ZMYM4: variants seen among roughly 807,000 people sequenced by gnomAD.
ZMYM4 encodes the protein zinc finger MYM-type protein 4.
Under a neutral mutation model 183.2 loss-of-function variants are expected in ZMYM4, and 31 were observed. The observed-to-expected ratio is 0.17, with a 90% CI of 0.13 to 0.23. The LOEUF is 0.23. Ranked by LOEUF, ZMYM4 falls within the 10% of genes least tolerant of loss-of-function variation. ZMYM4 has a pLI of 1.00. For missense variants in ZMYM4, 1,273 were observed against 1,840.3 expected (o/e 0.69, Z 5.64); for synonymous variants, 592 against 631.2 (o/e 0.94, Z 0.93).
chr1:35,360,501 A>G (rs1227172804), intron 3 of ZMYM4, among the ~76,000 whole-genome samples: 4 of 152,104 alleles, frequency 2.6e-5, no homozygotes, highest in Admixed American at 1.3e-4. Context: ...AGTATGTACA[A>G]GTCTGTGCAA....
chr1:35,419,518 G>A lies in ZMYM4; in HGVS notation c.4488G>A (p.Glu1496=). The change falls in exon 30 of 30, where the codon GAG becomes GAA. Residue 1496 remains glutamate (E), a synonymous_variant. Transcript: ENST00000314607. The part of the protein sequence containing the change: ...QRNDVFYLQP[E]RSCVPNSPMW... Reference sequence around the variant, plus strand: ...ATGATGTGTTTTACCTTCAACCTGAGCGCTCCTGTGTCCCGAATAGCCCCA... The same window carrying A: ...ATGATGTGTTTTACCTTCAACCTGAACGCTCCTGTGTCCCGAATAGCCCCA... 2 of 1,613,740 alleles carry A rather than the reference G, an allele frequency of 1.2e-6. No homozygotes were observed. Among genetic ancestry groups the A allele is most frequent in the Non-Finnish European group, 1.7e-6 (2 of 1,179,962 alleles).
At chr1:35,368,433 A>G (rs1158550868) in intron 5 of ZMYM4, among the ~76,000 whole-genome samples, 1 of 152,246 alleles carries the variant, frequency 6.6e-6, no homozygotes, top group Non-Finnish European at 1.5e-5. Flanking sequence ...AACTTAACGT[A>G]CATATTGAGG....
intron 26 of ZMYM4, among the ~76,000 whole-genome samples, chr1:35,413,512 G>A (rs1196542445): frequency 1.3e-5 from 2 of 152,176 alleles, no homozygotes; most frequent in Non-Finnish European, 2.9e-5. Context: ...TTAAATTTGG[G>A]TTTCCTCAGG....
At chr1:35,318,184 G>A (rs1243268544) in intron 1 of ZMYM4, among the ~76,000 whole-genome samples, 3 of 142,322 alleles carry the variant, frequency 2.1e-5, no homozygotes, top group Admixed American at 7.3e-5. Context: ...TCACCCTCCC[G>A]AGTAGCTGTG....
intron 29 of ZMYM4, 34 bp from the exon 30 acceptor site, chr1:35,419,433 TTTC>T: frequency 1.3e-6 from 2 of 1,598,566 alleles, no homozygotes; most frequent in East Asian, 4.5e-5. Context: ...GATTTCTAAT[TTTC>T]TTTTTTCTCT....
Position 35,386,114 on chromosome 1 carries a change from T to A in ZMYM4, c.1761T>A (p.Ile587=). 1 of 1,613,970 alleles carries A rather than the reference T, an allele frequency of 6.2e-7. No individual in the cohort carries two copies. Among genetic ancestry groups the A allele is most frequent in the South Asian group, 1.1e-5 (1 of 91,026 alleles). ...GTAACAGTTGTAAAACCTCAGCAAT[T>A]CCTCAGTATCACCTAGCCATGTCAG... The part of the protein sequence containing the change: ...VQCNSCKTSA[I]PQYHLAMSDG... The change falls in exon 11 of 30, where the codon ATT becomes ATA. Residue 587 remains isoleucine, a synonymous_variant. Transcript: ENST00000314607.
Position 35,393,761 on chromosome 1 carries a change from TC to T in ZMYM4, c.2911+23del, listed in dbSNP as rs758189398. 14 of 1,560,294 alleles carry T rather than the reference TC, an allele frequency of 9.0e-6. No homozygotes were observed. The African/African-American group carries it at 1.8e-4, about 20-fold the overall frequency. ...ACAGGTATGTTCCTTGGTCTTTCTT[TC>T]TTTATTAATTTTTTAAGGGAAAGAA... On this transcript the variant is annotated intron_variant, in intron 18 of 29. Coordinates refer to ENST00000314607, the MANE Select transcript of ZMYM4 (RefSeq NM_005095.3).
At chr1:35,413,945 G>C (rs746229269) in intron 26 of ZMYM4, 27 bp from the exon 27 acceptor site, 2 of 1,237,614 alleles carry the variant, frequency 1.6e-6, no homozygotes, top group Non-Finnish European at 2.3e-6. Context: ...TTATCAACAT[G>C]TATATTTTCT....
chr1:35,310,496 GTATT>G (rs1441301794), intron 1 of ZMYM4: 1 of 153,544 alleles, frequency 6.5e-6, no homozygotes, highest in African/African-American at 2.4e-5. Context: ...ACTACTCACT[GTATT>G]TATTTACAAT....
intron 1 of ZMYM4, among the ~76,000 whole-genome samples, chr1:35,281,680 A>T (rs969405112): frequency 1.4e-5 from 2 of 138,784 alleles, no homozygotes; most frequent in African/African-American, 5.2e-5. Flanking sequence ...ATATATATAT[A>T]ATATAACATT....
intron 2 of ZMYM4, among the ~76,000 whole-genome samples, chr1:35,336,411 AGTTTCACTCTT>A (rs902501997): frequency 4.7e-5 from 7 of 147,838 alleles, no homozygotes; most frequent in African/African-American, 1.8e-4. Context: ...TTTGATACAG[AGTTTCACTCTT>A]GTTGCCCAGG....
At chr1:35,300,101 A>C (rs1482194156) in intron 1 of ZMYM4, among the ~76,000 whole-genome samples, 1 of 152,038 alleles carries the variant, frequency 6.6e-6, no homozygotes, top group Non-Finnish European at 1.5e-5. Context: ...GGCAACAGAG[A>C]TTCTTTCAAT....
In ZMYM4 at chr1:35,420,505, GCTGT is replaced by G. The variant is rs1640288632; in HGVS notation, c.*831_*834del. On this transcript the variant is annotated 3_prime_UTR_variant, in exon 30 of 30. Transcript: ENST00000314607. ...TCTCTGGGTGTGGGCCCTTATTGCA[GCTGT>G]CTCACAGCCTGAGCTGTGGTACAGA... is the stretch of plus-strand genomic sequence containing the variant. 6.6e-6 allele frequency: 1 copy of G among 152,602 alleles called. No homozygotes were observed. Among genetic ancestry groups the G allele is most frequent in the Admixed American group, 6.5e-5 (1 of 15,276 alleles). 9.5% of individuals were successfully genotyped at this position (152,602 alleles called of 1,614,324 possible). A position where few individuals can be genotyped will look rare whatever the true frequency, so the allele number is the denominator to read the frequency against.
In ZMYM4 at chr1:35,421,662, G is replaced by T. The variant is rs899542896; in HGVS notation, c.*1985G>T. Reference sequence around the variant, plus strand: ...GATTTCATTTGCATGTTAGTCCACAGAGTTGCCCAGAACCCTAAATTTATT... The same window carrying T: ...GATTTCATTTGCATGTTAGTCCACATAGTTGCCCAGAACCCTAAATTTATT... On this transcript the variant is annotated 3_prime_UTR_variant, in exon 30 of 30. Coordinates refer to ENST00000314607, the MANE Select transcript of ZMYM4 (RefSeq NM_005095.3). 6.6e-6 allele frequency: 1 copy of T among 152,158 alleles called. No individual in the cohort carries two copies. The highest frequency in any genetic ancestry group is 2.4e-5 in the African/African-American group (1 of 41,440). The allele number at this position is 152,158 out of a possible 1,614,324, so 9.4% of individuals were successfully genotyped here.
intron 1 of ZMYM4, among the ~76,000 whole-genome samples, chr1:35,275,680 T>C (rs1350492936): frequency 6.6e-6 from 1 of 152,226 alleles, no homozygotes; most frequent in Non-Finnish European, 1.5e-5. Context: ...ATTATTTTAC[T>C]ATGAGCTAAC....
chr1:35,389,431 T>C lies in ZMYM4; in HGVS notation c.2436+349T>C, dbSNP rs1180353931. Among the ~76,000 whole-genome samples, 3 of 152,186 alleles carry C rather than the reference T, an allele frequency of 2.0e-5. No individual in the cohort carries two copies. The highest frequency in any genetic ancestry group is 4.4e-5 in the Non-Finnish European group (3 of 68,024). On this transcript the variant is annotated intron_variant, in intron 14 of 29. Transcript: ENST00000314607. This position sits in a 1 kb window ranked among gnomAD's most constrained non-coding sequence, Gnocchi z 4.0. ...TTTTTAATTGCTATAGAGTGAAGTC[T>C]GTATGTTACATGTGTTTTTTAAAAA...
chr1:35,350,044 C>G (rs1260174663), intron 2 of ZMYM4, among the ~76,000 whole-genome samples: 2 of 151,228 alleles, frequency 1.3e-5, no homozygotes, highest in Admixed American at 1.3e-4. Context: ...CTCACTGCAG[C>G]CTTCAACTCC....
At position 35,415,698 on chromosome 1, in the gene ZMYM4, G is replaced by A. The variant is rs570884354; in HGVS notation, c.4293G>A (p.Lys1431=). 3.9e-5 allele frequency: 63 copies of A among 1,612,252 alleles called. No homozygotes were observed. In the South Asian group the frequency reaches 6.6e-4, roughly 17 times the overall value. ...TGAGGTTCTTCCCACCTTTACAGAA[G>A]CAGGAGTCAGAACCAGGTACGGGAT... ...TYLRFFPPLQ[K]QESEPDKLTV... Residue 1431 remains lysine, a synonymous_variant, in exon 28 of 30, where the codon AAG becomes AAA. Transcript: ENST00000314607.
chr1:35,339,330 G>A (rs1410677743), intron 2 of ZMYM4, among the ~76,000 whole-genome samples: 1 of 152,032 alleles, frequency 6.6e-6, no homozygotes, highest in Non-Finnish European at 1.5e-5. Flanking sequence ...CGCCTCCTGG[G>A]TTCAAGCAGT....
Sources: gnomAD v4.1 joint callset for allele counts (sites outside exome capture counted in the v4.1 genomes callset) on GRCh38, gnomAD v4.1.1 for gene constraint, Gnocchi (gnomAD v3.1) non-coding constraint, MANE v1.5 for transcripts, NCBI Gene and HGNC (gene_info 2026-07-23, HGNC 2026-07-21) for gene names.